MYRFL: variants seen among roughly 807,000 people sequenced by gnomAD.
MYRFL encodes the protein myelin regulatory factor like, also known as myelin regulatory factor-like protein.
In MYRFL, 88 loss-of-function variants were observed where a neutral mutation model predicts 109.4. The observed-to-expected ratio is 0.80, with a 90% confidence interval of 0.68 to 0.96. MYRFL has a LOEUF of 0.96. Among genes scored for constraint, MYRFL ranks in the 40% least tolerant of loss-of-function variants. The pLI is 0.00. For synonymous variants in MYRFL, 324 were observed against 320.9 expected (o/e 1.01, Z -0.10); for missense variants, 957 against 954.9 (o/e 1.00, Z -0.03).
Position 69,958,241 on chromosome 12 carries a change from C to A in MYRFL, c.2572-8C>A. The A allele has an allele frequency of 1.3e-6, 2 of 1,531,784 alleles. No individual in the cohort carries two copies. Among genetic ancestry groups the A allele is most frequent in the Non-Finnish European group, 1.7e-6 (2 of 1,143,954 alleles). The allele number at this position is 1,531,784 out of a possible 1,614,324, so 94.9% of individuals were successfully genotyped here. ...TACGAAATGGATCCTCTTTTATTCA[C>A]TATTTAGGGATATCAGCACATTTGG... On this transcript the variant is annotated splice_polypyrimidine_tract_variant and splice_region_variant and intron_variant, in intron 23 of 24. Transcript: ENST00000552032.
rs1388347566 is a variant in MYRFL at position 69,868,900 on chromosome 12, GCACACGCGCACA to G, written c.138-10122_138-10111del. On this transcript the variant is annotated intron_variant, in intron 2 of 24. Transcript: ENST00000552032. Reference sequence around the variant, plus strand: ...CACACATGCACTCACACACACGTACGCACACGCGCACACACACATGTACTCACACGTACACAC... The same window carrying G: ...CACACATGCACTCACACACACGTACGCACACATGTACTCACACGTACACAC... 5.3e-5 allele frequency among the ~76,000 whole-genome samples: 8 copies of G among 150,978 alleles called. No homozygotes were observed. In the South Asian group the frequency reaches 1.7e-3, roughly 32 times the overall value.
At chr12:69,848,072 C>T (rs1319675985) in intron 1 of MYRFL, among the ~76,000 whole-genome samples, 3 of 151,994 alleles carry the variant, frequency 2.0e-5, no homozygotes, top group African/African-American at 7.2e-5. Context: ...TAGTATAGAA[C>T]ATAGCTTTTT....
chr12:69,935,522 C>A (rs1955421130), intron 16 of MYRFL, among the ~76,000 whole-genome samples: 1 of 152,100 alleles, frequency 6.6e-6, no homozygotes, highest in South Asian at 2.1e-4. Context: ...GAGAAGACAC[C>A]CTCGTTATTT....
chr12:69,915,865 G>C (rs1954713932), intron 13 of MYRFL, among the ~76,000 whole-genome samples: 1 of 151,930 alleles, frequency 6.6e-6, no homozygotes. Flanking sequence ...TTTCAGGGCA[G>C]GTGATCACAT....
chr12:69,863,237 G>T (rs768811188), intron 2 of MYRFL, among the ~76,000 whole-genome samples: 5 of 152,004 alleles, frequency 3.3e-5, no homozygotes, highest in East Asian at 1.9e-4. Context: ...TCTGCCCGGC[G>T]TTGGTATCAG....
intron 19 of MYRFL, among the ~76,000 whole-genome samples, chr12:69,944,893 G>T (rs1186022001): frequency 6.6e-6 from 1 of 151,584 alleles, no homozygotes; most frequent in Non-Finnish European, 1.5e-5. Flanking sequence ...AAAAGTGATG[G>T]ATATCCCAAG....
At chr12:69,957,777 G>A (rs1028383863) in intron 22 of MYRFL, 45 bp from the exon 23 acceptor site, 3 of 1,498,442 alleles carry the variant, frequency 2.0e-6, no homozygotes, top group Non-Finnish European at 2.7e-6. Context: ...GTAGAAGCTG[G>A]TAACTGCTTT....
chr12:69,832,614 C>T (rs1882696806), intron 1 of MYRFL, among the ~76,000 whole-genome samples: 1 of 152,110 alleles, frequency 6.6e-6, no homozygotes, highest in Non-Finnish European at 1.5e-5. Context: ...AGTCATGCAT[C>T]TGTCTGGGAG....
intron 13 of MYRFL, among the ~76,000 whole-genome samples, chr12:69,922,303 A>G (rs1180738681): frequency 6.6e-6 from 1 of 152,194 alleles, no homozygotes; most frequent in Non-Finnish European, 1.5e-5. Flanking sequence ...AGAATCATAA[A>G]ATGCTGTTTC....
At chr12:69,956,775 T>A (rs982893940) in intron 22 of MYRFL, among the ~76,000 whole-genome samples, 2 of 152,178 alleles carry the variant, frequency 1.3e-5, no homozygotes, top group Admixed American at 6.5e-5. Flanking sequence ...AGGTTTCTTT[T>A]AAGCAGCTAA....
chr12:69,920,912 A>G (rs1954890513), intron 13 of MYRFL, among the ~76,000 whole-genome samples: 1 of 152,210 alleles, frequency 6.6e-6, no homozygotes, highest in South Asian at 2.1e-4. Flanking sequence ...CCCTAACTCC[A>G]TAGCAAGTCT....
intron 2 of MYRFL, among the ~76,000 whole-genome samples, chr12:69,864,670 A>ACACACAC (rs1884907919): frequency 2.4e-4 from 1 of 4,118 alleles, no homozygotes; most frequent in Non-Finnish European, 5.3e-4. Flanking sequence ...CACACACACA[A>ACACACAC]ACACACACAC....
intron 1 of MYRFL, among the ~76,000 whole-genome samples, chr12:69,838,815 G>A (rs992301916): frequency 6.6e-6 from 1 of 152,190 alleles, no homozygotes; most frequent in Non-Finnish European, 1.5e-5. Context: ...TTTAAAAGGA[G>A]AAGTGTGAAC....
chr12:69,933,218 G>A (rs998174856), intron 16 of MYRFL, among the ~76,000 whole-genome samples: 11 of 151,882 alleles, frequency 7.2e-5, no homozygotes, highest in African/African-American at 1.9e-4. Context: ...CCGCAAAGGC[G>A]GGAGGCAGCC....
Position 69,909,754 on chromosome 12 carries a change from C to T in MYRFL, c.1384-215C>T, listed in dbSNP as rs559440305. Among the ~76,000 whole-genome samples the T allele has an allele frequency of 1.9e-3, 287 of 152,076 alleles. 2 individuals carry two copies. The highest frequency in any genetic ancestry group is 6.2e-3 in the African/African-American group (256 of 41,464). ...TGCACGTAGAGGATGCCCTGCTGGCCGGGGTGATGTGGGGGAGGCATGTCC... is the reference window on the plus strand; with the variant it reads ...TGCACGTAGAGGATGCCCTGCTGGCTGGGGTGATGTGGGGGAGGCATGTCC... On this transcript the variant is annotated intron_variant, in intron 11 of 24. Coordinates refer to ENST00000552032, the MANE Select transcript of MYRFL (RefSeq NM_182530.3).
At chr12:69,890,830 C>G (rs1260209920) in intron 6 of MYRFL, 141 bp from the exon 7 acceptor site, 2 of 562,566 alleles carry the variant, frequency 3.6e-6, no homozygotes, top group East Asian at 6.7e-5. Context: ...ATTAAAAATT[C>G]AAGAAATCAA....
intron 13 of MYRFL, among the ~76,000 whole-genome samples, 159 bp downstream of exon 13, chr12:69,911,089 T>C (rs376252894): frequency 1.1e-3 from 160 of 152,326 alleles, no homozygotes; most frequent in African/African-American, 3.8e-3. Flanking sequence ...TCTCTTATAA[T>C]TGATATTCAA....
rs1211203092 is a variant in MYRFL at position 69,878,990 on chromosome 12, A to G, written c.138-38A>G. On this transcript the variant is annotated intron_variant, in intron 2 of 24. Coordinates refer to ENST00000552032, the MANE Select transcript of MYRFL (RefSeq NM_182530.3). Reference sequence around the variant, plus strand: ...TTGTGACAAAACTATAATGGACTAGAGTGAAACAAAAACGCAATGTATGTC... The same window carrying G: ...TTGTGACAAAACTATAATGGACTAGGGTGAAACAAAAACGCAATGTATGTC... 4.3e-6 allele frequency: 3 copies of G among 702,736 alleles called. No individual in the cohort carries two copies. The African/African-American group carries it at 5.2e-5, about 12-fold the overall frequency. The allele number at this position is 702,736 out of a possible 1,614,324, so 43.5% of individuals were successfully genotyped here.
intron 1 of MYRFL, among the ~76,000 whole-genome samples, chr12:69,854,927 T>G (rs1271029120): frequency 6.6e-6 from 1 of 152,150 alleles, no homozygotes; most frequent in Non-Finnish European, 1.5e-5. Context: ...AATATCAACA[T>G]ATTTATTATA....
Sources: gnomAD v4.1 joint callset for allele counts (sites outside exome capture counted in the v4.1 genomes callset) on GRCh38, gnomAD v4.1.1 for gene constraint, MANE v1.5 for transcripts, NCBI Gene and HGNC (gene_info 2026-07-23, HGNC 2026-07-21) for gene names.